Variants in LAP3 observed in about 807,000 individuals in gnomAD.
LAP3 encodes the protein cytosol aminopeptidase.
LAP3 carries 46 observed loss-of-function variants against 58.8 expected under a neutral mutation model. The ratio of observed to expected loss-of-function variants is 0.78; its 90% CI spans 0.62 to 1.00. The LOEUF (loss-of-function observed/expected upper bound fraction) is 1.00, where lower values mean the gene tolerates loss of function less well. Among genes scored for constraint, LAP3 ranks in the 50% least tolerant of loss-of-function variants. The pLI, the probability that LAP3 is intolerant of heterozygous loss-of-function variation, is 0.00. For missense variants in LAP3, 615 were observed against 659.1 expected (o/e 0.93, Z 0.73); for synonymous variants, 257 against 237.7 (o/e 1.08, Z -0.75).
intron 9 of LAP3, 99 bp downstream of exon 9, chr4:17,597,233 C>T: frequency 6.2e-6 from 6 of 961,518 alleles, no homozygotes; most frequent in Non-Finnish European, 1.0e-5. Context: ...AGCCCCAGAA[C>T]CATATTAGGG....
At chr4:17,592,999 A>G (rs1713726794) in intron 7 of LAP3, among the ~76,000 whole-genome samples, 1 of 152,086 alleles carries the variant, frequency 6.6e-6, no homozygotes, top group South Asian at 2.1e-4. Flanking sequence ...GGTTTTCACC[A>G]TGTTGGCCAG....
intron 4 of LAP3, among the ~76,000 whole-genome samples, chr4:17,583,128 TTTTTA>T (rs1713407347): frequency 6.6e-6 from 1 of 152,216 alleles, no homozygotes; most frequent in Non-Finnish European, 1.5e-5. Flanking sequence ...TTCCCTGTCA[TTTTTA>T]ATCAGAGAAG....
Position 17,597,138 on chromosome 4 carries a change from T to C in LAP3, c.1077+4T>C. ...CAAAAACGGGAAGACCATCCAGGTT[T>C]GTAAATGTGAGACACAGCACTCCCC... On this transcript the variant is annotated splice_donor_region_variant and intron_variant, in intron 9 of 12. Coordinates refer to ENST00000226299, the MANE Select transcript of LAP3 (RefSeq NM_015907.3). 1.2e-6 allele frequency: 2 copies of C among 1,613,466 alleles called. No individual in the cohort carries two copies. The highest frequency in any genetic ancestry group is 1.7e-6 in the Non-Finnish European group (2 of 1,179,368).
chr4:17,584,490 G>T (rs139179718), intron 5 of LAP3, among the ~76,000 whole-genome samples: 1 of 152,306 alleles, frequency 6.6e-6, no homozygotes, highest in East Asian at 1.9e-4. Context: ...GAATGGGTTG[G>T]AATTTGGAGC....
Position 17,607,683 on chromosome 4 carries a change from A to G in LAP3, c.*94A>G, listed in dbSNP as rs1560153710. ...AATGGATGAAAATCTTTTAACGGAG[A>G]CAAAGGATGGTATTTAAAAATGTAG... On this transcript the variant is annotated 3_prime_UTR_variant, in exon 13 of 13. Transcript: ENST00000226299. 1 of 959,188 alleles carries G rather than the reference A, an allele frequency of 1.0e-6. No individual in the cohort carries two copies. The highest frequency in any genetic ancestry group is 2.6e-5 in the East Asian group (1 of 38,104). 59.4% of individuals were successfully genotyped at this position (959,188 alleles called of 1,614,324 possible). A position where few individuals can be genotyped will look rare whatever the true frequency, so the allele number is the denominator to read the frequency against.
Position 17,585,036 on chromosome 4 carries a change from T to C in LAP3, c.604T>C (p.Leu202=), listed in dbSNP as rs1357451727. 1.2e-6 allele frequency: 2 copies of C among 1,613,996 alleles called. No homozygotes were observed. The highest frequency in any genetic ancestry group is 1.7e-6 in the Non-Finnish European group (2 of 1,180,000). The change falls in exon 6 of 13, where the codon TTG becomes CTG. Residue 202 remains leucine, a synonymous_variant. Coordinates refer to ENST00000226299, the MANE Select transcript of LAP3 (RefSeq NM_015907.3). ...TTCTGGGCAGAACTTGGCACGCCAA[T>C]TGATGGAGACGCCAGCCAATGAGAT... is the stretch of plus-strand genomic sequence containing the variant. ...FASGQNLARQ[L]METPANEMTP...
intron 7 of LAP3, among the ~76,000 whole-genome samples, chr4:17,595,073 C>T (rs145450541): frequency 0.013 from 1,968 of 151,292 alleles, 42 homozygotes; most frequent in South Asian, 0.041. Context: ...CCGAGGCTGG[C>T]GGATCACGAG....
At position 17,598,495 on chromosome 4, in the gene LAP3, G is replaced by C; in HGVS notation, c.1117G>C (p.Asp373His). ...TDAEGRLILA[D>H]ALCYAHTFNP... is the part of the protein sequence containing the mutation. ...TGCTGAGGGGAGGCTCATACTGGCT[G>C]ATGCGCTCTGTTACGCACACACGTT... is the stretch of plus-strand genomic sequence containing the variant. The change falls in exon 10 of 13, where the codon GAT (aspartate) becomes CAT (histidine). Residue 373 changes from aspartate (D) to histidine (H), a missense_variant. Coordinates refer to ENST00000226299, the MANE Select transcript of LAP3 (RefSeq NM_015907.3). 1 of 1,614,170 alleles carries C rather than the reference G, an allele frequency of 6.2e-7. No homozygotes were observed. The highest frequency in any genetic ancestry group is 8.5e-7 in the Non-Finnish European group (1 of 1,180,026).
intron 8 of LAP3, among the ~76,000 whole-genome samples, chr4:17,596,288 T>G (rs1560346763): frequency 6.6e-6 from 1 of 152,176 alleles, no homozygotes; most frequent in Non-Finnish European, 1.5e-5. Flanking sequence ...AATTCAAGTT[T>G]CCAGTTGTGT....
chr4:17,577,800 G>A (rs2109016466), intron 1 of LAP3, among the ~76,000 whole-genome samples: 1 of 152,384 alleles, frequency 6.6e-6, no homozygotes, highest in East Asian at 1.9e-4. Context: ...GGTTGTAGCC[G>A]CCCTTTACCC....
intron 4 of LAP3, 149 bp from the exon 5 acceptor site, chr4:17,583,334 G>A (rs1395224765): frequency 3.7e-6 from 3 of 804,804 alleles, no homozygotes; most frequent in Non-Finnish European, 6.0e-6. Context: ...TTTTACAGAA[G>A]AGGAAATGAG....
intron 7 of LAP3, 82 bp from the exon 8 acceptor site, chr4:17,595,328 G>C: frequency 2.0e-6 from 3 of 1,513,708 alleles, no homozygotes; most frequent in South Asian, 1.2e-5. Flanking sequence ...GTGAGCCACC[G>C]TGCCCATCTG....
chr4:17,606,638 T>A (rs1406806349), intron 11 of LAP3, among the ~76,000 whole-genome samples, 191 bp from the exon 12 acceptor site: 2 of 152,218 alleles, frequency 1.3e-5, no homozygotes, highest in East Asian at 3.8e-4. Context: ...GTCCCCAGCC[T>A]CCTGGTTTCT....
intron 7 of LAP3, among the ~76,000 whole-genome samples, chr4:17,593,609 G>GTTTTTTTTTTTTTTTT (rs55676326): frequency 4.6e-5 from 4 of 87,608 alleles, no homozygotes; most frequent in East Asian, 4.3e-4. Context: ...ATCTGCTTGG[G>GTTTTTTTTTTTTTTTT]TTTTTTTTTT....
intron 3 of LAP3, 57 bp downstream of exon 3, chr4:17,581,871 A>C (rs923819551): frequency 1.5e-6 from 2 of 1,320,640 alleles, no homozygotes; most frequent in Non-Finnish European, 2.2e-6. Context: ...CTGTACACCA[A>C]GTATTGGGGC....
intron 7 of LAP3, among the ~76,000 whole-genome samples, chr4:17,592,988 G>A (rs578186817): frequency 2.1e-4 from 32 of 152,198 alleles, no homozygotes; most frequent in Non-Finnish European, 1.8e-4. Flanking sequence ...TAGTAGAGAC[G>A]GGTTTTCACC....
chr4:17,607,599 T>C lies in LAP3; in HGVS notation c.*10T>C, dbSNP rs1450167477. 12 of 1,588,864 alleles carry C rather than the reference T, an allele frequency of 7.6e-6. No homozygotes were observed. The South Asian group carries it at 1.3e-4, about 17-fold the overall frequency. On this transcript the variant is annotated 3_prime_UTR_variant, in exon 13 of 13. Transcript: ENST00000226299. ...TCAAGACAATGCTTAGTTCAGATAC[T>C]CAAAAATGTCTTCACTCTGTCTTAA...
intron 7 of LAP3, among the ~76,000 whole-genome samples, chr4:17,592,396 AT>A (rs1477678486): frequency 5.3e-5 from 8 of 152,184 alleles, no homozygotes; most frequent in Admixed American, 3.3e-4. Flanking sequence ...CATGTCAGCC[AT>A]TCTTCTTTTC....
At position 17,588,987 on chromosome 4, in the gene LAP3, A is replaced by G. The variant is rs1209666669; in HGVS notation, c.863+10A>G. 2 of 1,611,962 alleles carry G rather than the reference A, an allele frequency of 1.2e-6. No homozygotes were observed. The highest frequency in any genetic ancestry group is 1.7e-6 in the Non-Finnish European group (2 of 1,178,536). ...GAATTACCTTTGACAGGTATTTTTT[A>G]TGGTGTCCGTGCTTTGTATTTTGGT... On this transcript the variant is annotated intron_variant, in intron 7 of 12. Transcript: ENST00000226299.
Sources: gnomAD v4.1 joint callset for allele counts (sites outside exome capture counted in the v4.1 genomes callset) on GRCh38, gnomAD v4.1.1 for gene constraint, MANE v1.5 for transcripts, NCBI Gene and HGNC (gene_info 2026-07-23, HGNC 2026-07-21) for gene names.